Variants in USO1 observed in about 807,000 individuals in gnomAD.
USO1 encodes the protein USO1 vesicle transport factor.
Under a neutral mutation model 124.5 loss-of-function variants are expected in USO1, and 57 were observed. The observed-to-expected ratio is 0.46, with a 90% CI of 0.37 to 0.57. The LOEUF (loss-of-function observed/expected upper bound fraction) is 0.57, where lower values mean the gene tolerates loss of function less well. Among genes scored for constraint, USO1 ranks in the 20% least tolerant of loss-of-function variants. The pLI, the probability that USO1 is intolerant of heterozygous loss-of-function variation, is 0.00. For missense variants in USO1, 900 were observed against 1,040.6 expected, an observed-to-expected ratio of 0.86 and a Z score of 1.86; for synonymous variants, 369 against 362.8, an observed-to-expected ratio of 1.02 and a Z score of -0.19.
chr4:75,805,113 T>C (rs776567602), intron 18 of USO1, 27 bp from the exon 19 acceptor site: 28 of 1,525,628 alleles, frequency 1.8e-5, no homozygotes, highest in Non-Finnish European at 2.5e-5. Flanking sequence ...TCCCGTTGGC[T>C]TTTAAAATGT....
chr4:75,753,978 G>A (rs796547471), intron 3 of USO1, among the ~76,000 whole-genome samples: 2 of 150,688 alleles, frequency 1.3e-5, no homozygotes, highest in Non-Finnish European at 3.0e-5. Flanking sequence ...TAGTAGAGAC[G>A]GGGTTTTACC....
Position 75,724,814 on chromosome 4 carries a change from G to T in USO1, c.-6G>T, listed in dbSNP as rs774346207. 15 of 1,613,818 alleles carry T rather than the reference G, an allele frequency of 9.3e-6. No homozygotes were observed. The highest frequency in any genetic ancestry group is 3.3e-5 in the Admixed American group (2 of 60,000). ...GGGCCGGTAAACCTGGTGGCTGAACGGCAAGATGAATTTCCTCCGCGGGGT... is the reference window on the plus strand; with the variant it reads ...GGGCCGGTAAACCTGGTGGCTGAACTGCAAGATGAATTTCCTCCGCGGGGT... On this transcript the variant is annotated 5_prime_UTR_variant, in exon 1 of 24. Coordinates refer to ENST00000514213, the MANE Select transcript of USO1 (RefSeq NM_003715.4).
rs372662996 is a variant in USO1, at chr4:75,724,902, G to C, written c.66+17G>C. The C allele has an allele frequency of 4.3e-6, 7 of 1,612,470 alleles. No individual in the cohort carries two copies. The African/African-American group carries it at 6.7e-5, about 15-fold the overall frequency. On this transcript the variant is annotated intron_variant, in intron 1 of 23. Coordinates refer to ENST00000514213, the MANE Select transcript of USO1 (RefSeq NM_003715.4). Reference sequence around the variant, plus strand: ...GCCGAGACGGTGAGAGGAGCAGCGGGTCTGGGACTTGGGAAGGGGTCCGGG... The same window carrying C: ...GCCGAGACGGTGAGAGGAGCAGCGGCTCTGGGACTTGGGAAGGGGTCCGGG...
chr4:75,734,177 C>G (rs903051710), intron 1 of USO1, among the ~76,000 whole-genome samples: 1 of 152,144 alleles, frequency 6.6e-6, no homozygotes, highest in East Asian at 1.9e-4. Context: ...ATCTCCTGAC[C>G]TCGTGATCCT....
chr4:75,744,205 T>C (rs1049677155), intron 1 of USO1, among the ~76,000 whole-genome samples: 6 of 152,222 alleles, frequency 3.9e-5, no homozygotes, highest in African/African-American at 1.4e-4. Context: ...TGCACTGTTC[T>C]TGGCCCCCCC....
Position 75,771,109 on chromosome 4 carries a change from C to T in USO1, c.527C>T (p.Ala176Val), listed in dbSNP as rs749983784. The change falls in exon 7 of 24, where the codon GCG (alanine) becomes GTG (valine). Residue 176 changes from alanine to valine, a missense_variant. Around this residue, in one of 2 missense-constraint regions of USO1, gnomAD observed 538 missense variants for 681.6 expected, o/e 0.79. Transcript: ENST00000514213. The part of the protein sequence containing the change: ...MGVSRLMDLL[A>V]DSREVIRNDG... ...GTTTCAAGATTGATGGACTTACTAGCGGATTCCAGGGAAGTTATACGTAAT... is the reference window on the plus strand; with the variant it reads ...GTTTCAAGATTGATGGACTTACTAGTGGATTCCAGGGAAGTTATACGTAAT... 1.4e-5 allele frequency: 23 copies of T among 1,611,218 alleles called. No homozygotes were observed. The highest frequency in any genetic ancestry group is 2.2e-5 in the South Asian group (2 of 90,482).
intron 1 of USO1, among the ~76,000 whole-genome samples, chr4:75,729,572 C>T (rs1425673801): frequency 6.6e-6 from 1 of 152,038 alleles, no homozygotes; most frequent in Admixed American, 6.6e-5. Flanking sequence ...AACTCCTGAG[C>T]TCAGGCAGTC....
chr4:75,731,661 C>T (rs1720635987), intron 1 of USO1, among the ~76,000 whole-genome samples: 2 of 152,006 alleles, frequency 1.3e-5, no homozygotes, highest in South Asian at 4.2e-4. Context: ...ATTTGTCTTA[C>T]AGTTAGGGAA....
intron 1 of USO1, among the ~76,000 whole-genome samples, chr4:75,750,622 C>G (rs1721274709): frequency 6.6e-6 from 1 of 152,032 alleles, no homozygotes; most frequent in Non-Finnish European, 1.5e-5. Context: ...TAGCTGGGGA[C>G]TATAGGTGCG....
At chr4:75,758,517 G>A (rs1343118634) in intron 4 of USO1, among the ~76,000 whole-genome samples, 1 of 152,144 alleles carries the variant, frequency 6.6e-6, no homozygotes, top group South Asian at 2.1e-4. Context: ...CAGAATACTA[G>A]TATTGAGAAC....
intron 8 of USO1, among the ~76,000 whole-genome samples, chr4:75,775,809 A>G (rs324707): frequency 0.099 from 15,131 of 152,204 alleles, 885 homozygotes; most frequent in Middle Eastern, 0.17. Context: ...TAAGCTAGAT[A>G]GGGAAGGAAA....
intron 1 of USO1, among the ~76,000 whole-genome samples, chr4:75,735,287 T>A (rs1236230035): frequency 6.6e-6 from 1 of 152,182 alleles, no homozygotes; most frequent in Non-Finnish European, 1.5e-5. Flanking sequence ...ACATTGATTT[T>A]GTATCCTGAA....
rs374922535 is a variant in USO1, at chr4:75,805,220, C to T, written c.2206C>T (p.Arg736Ter). Residue 736 changes from arginine (R) to a stop codon, truncating the protein, a stop_gained, in exon 19 of 24, where the codon CGA becomes TGA. Coordinates refer to ENST00000514213, the MANE Select transcript of USO1 (RefSeq NM_003715.4). LOFTEE classifies it high-confidence loss of function. Reference sequence around the variant, plus strand: ...TCAGCCAGAAGAAATTGGTAGATTGCGAGAAGAGATAGAAGAATTAAAACG... The same window carrying T: ...TCAGCCAGAAGAAATTGGTAGATTGTGAGAAGAGATAGAAGAATTAAAACG... ...GIQPEEIGRL[R>*]EEIEELKRNQ... 1.2e-6 allele frequency: 2 copies of T among 1,612,372 alleles called. No homozygotes were observed. The highest frequency in any genetic ancestry group is 1.1e-5 in the South Asian group (1 of 90,842).
chr4:75,790,910 AG>A, intron 12 of USO1, 113 bp downstream of exon 12: 6 of 1,218,940 alleles, frequency 4.9e-6, no homozygotes, highest in South Asian at 4.7e-5. Flanking sequence ...TGCTTAGGAG[AG>A]AAAAAAAAAA....
At chr4:75,739,569 C>A (rs1236187449) in intron 1 of USO1, among the ~76,000 whole-genome samples, 2 of 111,050 alleles carry the variant, frequency 1.8e-5, no homozygotes, top group Non-Finnish European at 3.4e-5. Context: ...GAGACAGAGT[C>A]TGACTCTGTT....
At chr4:75,804,341 A>C in intron 18 of USO1, 69 bp downstream of exon 18, 1 of 1,512,092 alleles carries the variant, frequency 6.6e-7, no homozygotes, top group Non-Finnish European at 8.8e-7. Flanking sequence ...AGACAAAGTA[A>C]AAGATTCTTT....
intron 8 of USO1, among the ~76,000 whole-genome samples, chr4:75,775,493 C>T (rs942431647): frequency 6.6e-6 from 1 of 152,010 alleles, no homozygotes; most frequent in African/African-American, 2.4e-5. Flanking sequence ...GAGCTGAGAT[C>T]GCACCGCTGT....
chr4:75,780,252 T>TA (rs1722180339), intron 8 of USO1, among the ~76,000 whole-genome samples: 1 of 152,114 alleles, frequency 6.6e-6, no homozygotes, highest in Non-Finnish European at 1.5e-5. Context: ...GATGGAGATG[T>TA]AAAAAGAGAA....
Position 75,782,882 on chromosome 4 carries a change from G to A in USO1, c.855+24G>A, listed in dbSNP as rs371336790. Reference sequence around the variant, plus strand: ...AGGTATACTATCCTTAGACATAAATGTGGTAAGAATTTTGACAGTGATCTT... The same window carrying A: ...AGGTATACTATCCTTAGACATAAATATGGTAAGAATTTTGACAGTGATCTT... On this transcript the variant is annotated intron_variant, in intron 9 of 23. Coordinates refer to ENST00000514213, the MANE Select transcript of USO1 (RefSeq NM_003715.4). 108 of 1,539,556 alleles carry A rather than the reference G, an allele frequency of 7.0e-5. No homozygotes were observed. The African/African-American group carries it at 9.3e-4, about 13-fold the overall frequency.
Sources: gnomAD v4.1 joint callset for allele counts (sites outside exome capture counted in the v4.1 genomes callset) on GRCh38, gnomAD v4.1.1 for gene constraint, gnomAD v4.1.1 regional missense constraint, MANE v1.5 for transcripts, NCBI Gene and HGNC (gene_info 2026-07-23, HGNC 2026-07-21) for gene names.